The following IGDCC4 variants were observed in gnomAD, a reference collection of about 807,000 sequenced individuals.
IGDCC4 encodes the protein immunoglobulin superfamily DCC subclass member 4, also known as likely ortholog of mouse neighbor of Punc E11.
A neutral mutation model predicts 116.6 loss-of-function variants in IGDCC4; 72 were observed. The observed-to-expected ratio is 0.62, with a 90% confidence interval of 0.51 to 0.75. The LOEUF (loss-of-function observed/expected upper bound fraction) is 0.75. IGDCC4 is among the 30% of genes least tolerant of loss of function. IGDCC4 has a pLI of 0.00. For synonymous variants in IGDCC4, 709 were observed against 719.9 expected, an observed-to-expected ratio of 0.98 and a Z score of 0.24; for missense variants, 1,501 against 1,662.4, an observed-to-expected ratio of 0.90 and a Z score of 1.69.
chr15:65,384,999 A>T lies in IGDCC4; in HGVS notation c.3297T>A (p.Thr1099=). The change falls in exon 19 of 20, where the codon ACT becomes ACA. Residue 1099 remains threonine (T), a synonymous_variant. Coordinates refer to ENST00000352385, the MANE Select transcript of IGDCC4 (RefSeq NM_020962.3). The surrounding 1 kb of genome is among the most constrained non-coding windows in gnomAD (Gnocchi z 4.9). ...GAGCCTGCAGCAACAGCGTCTGCCC[A>T]GTTCCAGCAGGGGGCAGCAGGGCCC... ...LTRALLPPAG[T]GQTLLLQALV... 6.2e-7 allele frequency: 1 copy of T among 1,610,716 alleles called. No homozygotes were observed. Among genetic ancestry groups the T allele is most frequent in the Non-Finnish European group, 8.5e-7 (1 of 1,178,874 alleles).
chr15:65,413,401 T>C (rs1014969985), intron 1 of IGDCC4, among the ~76,000 whole-genome samples: 13 of 152,064 alleles, frequency 8.5e-5, no homozygotes, highest in African/African-American at 3.1e-4. Context: ...CCAGGGTTCT[T>C]TTTTCTCCCA....
rs774399098 is a variant in IGDCC4 at position 65,385,913 on chromosome 15, G to A, written c.3098C>T (p.Pro1033Leu). 2.1e-5 allele frequency: 34 copies of A among 1,612,696 alleles called. No individual in the cohort carries two copies. The highest frequency in any genetic ancestry group is 2.6e-5 in the Non-Finnish European group (31 of 1,179,984). Residue 1033 changes from proline to leucine, a missense_variant, in exon 18 of 20, where the codon CCC becomes CTC. Physicochemically the swap from Pro to Leu is moderately conservative, Grantham distance 98. This residue lies in a region of IGDCC4 where 368 missense variants were observed against 355.6 expected (regional missense o/e 1.03). Coordinates refer to ENST00000352385, the MANE Select transcript of IGDCC4 (RefSeq NM_020962.3). Reference protein sequence around the residue: ...HPHPQDWSPPPSDVEDRAEVH... With the variant: ...HPHPQDWSPPLSDVEDRAEVH... ...TTCAGCCCTGTCCTCCACGTCTGAG[G>A]GTGGCGGGGACCAGTCCTGGGGATG...
rs1469528680 is a variant in IGDCC4 at position 65,411,381 on chromosome 15, G to A, written c.71-11C>T. The A allele has an allele frequency of 3.9e-6, 6 of 1,544,324 alleles. No homozygotes were observed. Among genetic ancestry groups the A allele is most frequent in the Non-Finnish European group, 4.4e-6 (5 of 1,142,382 alleles). ...GCAACAGCAGCTCCCCTGCATAGAG[G>A]AGGAGCACGGGGCCATCAGTGTATG... On this transcript the variant is annotated splice_polypyrimidine_tract_variant and intron_variant, in intron 1 of 19. Coordinates refer to ENST00000352385, the MANE Select transcript of IGDCC4 (RefSeq NM_020962.3).
intron 1 of IGDCC4, among the ~76,000 whole-genome samples, chr15:65,411,978 A>C (rs2063098610): frequency 6.6e-6 from 1 of 152,214 alleles, no homozygotes; most frequent in Non-Finnish European, 1.5e-5. Context: ...TAAAGGGTGA[A>C]TTTTGTAGTA....
At chr15:65,419,710 G>A (rs1310374000) in intron 1 of IGDCC4, among the ~76,000 whole-genome samples, 1 of 152,068 alleles carries the variant, frequency 6.6e-6, no homozygotes, top group African/African-American at 2.4e-5. Flanking sequence ...GTTCTTAGAG[G>A]CCTCCCATTA....
intron 4 of IGDCC4, among the ~76,000 whole-genome samples, chr15:65,401,593 G>T (rs1312215163): frequency 4.6e-5 from 7 of 151,844 alleles, no homozygotes; most frequent in African/African-American, 1.7e-4. Flanking sequence ...TGGGGACGGG[G>T]TGGGAGTGCA....
intron 1 of IGDCC4, among the ~76,000 whole-genome samples, chr15:65,414,394 C>T (rs1933428855): frequency 6.6e-6 from 1 of 152,216 alleles, no homozygotes; most frequent in Non-Finnish European, 1.5e-5. Flanking sequence ...GTTGGGGAAA[C>T]CAATCTGGCA....
intron 13 of IGDCC4, 64 bp downstream of exon 13, chr15:65,390,091 C>T (rs942705050): frequency 7.4e-7 from 1 of 1,360,330 alleles, no homozygotes; most frequent in Non-Finnish European, 1.0e-6. Context: ...CTGCTGCCTT[C>T]CCACCACCAC....
intron 1 of IGDCC4, 78 bp downstream of exon 1, chr15:65,422,715 C>G (rs937304865): frequency 8.6e-7 from 1 of 1,156,182 alleles, no homozygotes; most frequent in Non-Finnish European, 1.1e-6. Context: ...GAGCCAGCCC[C>G]GCAGCCCGAT....
At chr15:65,390,470 C>T (rs917326277) in intron 12 of IGDCC4, 132 bp from the exon 13 acceptor site, 3 of 652,624 alleles carry the variant, frequency 4.6e-6, no homozygotes, top group Non-Finnish European at 7.0e-6. Flanking sequence ...TGGCATCATT[C>T]CTACTTCACA....
intron 1 of IGDCC4, among the ~76,000 whole-genome samples, chr15:65,413,600 T>G (rs1209924232): frequency 6.6e-6 from 1 of 152,244 alleles, no homozygotes; most frequent in African/African-American, 2.4e-5. Context: ...TGGTTCTCCC[T>G]GTTGTGTCTT....
intron 5 of IGDCC4, among the ~76,000 whole-genome samples, chr15:65,397,987 A>G (rs2062943303): frequency 6.6e-6 from 1 of 152,246 alleles, no homozygotes; most frequent in Non-Finnish European, 1.5e-5. Flanking sequence ...TAGTCATTAC[A>G]ATTTTTTGAA....
chr15:65,384,918 T>C lies in IGDCC4; in HGVS notation c.3342+36A>G. Reference sequence around the variant, plus strand: ...CCTCTTCACAAGCACAGAGACCCTTTCCTCCTTTCCTGCCCCTTCCTTCCA... The same window carrying C: ...CCTCTTCACAAGCACAGAGACCCTTCCCTCCTTTCCTGCCCCTTCCTTCCA... On this transcript the variant is annotated intron_variant, in intron 19 of 19. Coordinates refer to ENST00000352385, the MANE Select transcript of IGDCC4 (RefSeq NM_020962.3). This position sits in a 1 kb window ranked among gnomAD's most constrained non-coding sequence, Gnocchi z 4.9. 1 of 1,575,442 alleles carries C rather than the reference T, an allele frequency of 6.3e-7. No individual in the cohort carries two copies.
In IGDCC4 at chr15:65,396,003, G is replaced by A. The variant is rs1287966276; in HGVS notation, c.1158C>T (p.Gly386=). 5.8e-6 allele frequency: 9 copies of A among 1,545,724 alleles called. No homozygotes were observed. The highest frequency in any genetic ancestry group is 2.8e-5 in the African/African-American group (2 of 71,094). Residue 386 remains glycine (G), a synonymous_variant, in exon 7 of 20, where the codon GGC becomes GGT. Coordinates refer to ENST00000352385, the MANE Select transcript of IGDCC4 (RefSeq NM_020962.3). ...RPNGRVKVQG[G]GGSLVITQIG... is the part of the protein sequence containing the mutation. ...TCTGTGTGATGACCAGGCTGCCACCGCCGCCCTGGACCTTGACGCGCCCGT... is the reference window on the plus strand; with the variant it reads ...TCTGTGTGATGACCAGGCTGCCACCACCGCCCTGGACCTTGACGCGCCCGT...
chr15:65,420,121 A>G (rs2063176954), intron 1 of IGDCC4, among the ~76,000 whole-genome samples: 1 of 151,924 alleles, frequency 6.6e-6, no homozygotes, highest in Non-Finnish European at 1.5e-5. Context: ...CAACTTTTGT[A>G]TTTTTAGTAG....
chr15:65,385,571 C>A, intron 18 of IGDCC4: 1 of 591,870 alleles, frequency 1.7e-6, no homozygotes, highest in Non-Finnish European at 3.0e-6. Flanking sequence ...GAGGAGGGAG[C>A]TGGGTGTTCT....
rs1448823310 is a variant in IGDCC4, at chr15:65,385,882, G to A, written c.3129C>T (p.His1043=). The change falls in exon 18 of 20, where the codon CAC becomes CAT. Residue 1043 remains histidine (H), a synonymous_variant. Transcript: ENST00000352385. ...PSDVEDRAEV[H]SLMGGGVSEG... is the part of the protein sequence containing the mutation. Reference sequence around the variant, plus strand: ...CAGAAACACCGCCACCCATAAGGCTGTGCACTTCAGCCCTGTCCTCCACGT... The same window carrying A: ...CAGAAACACCGCCACCCATAAGGCTATGCACTTCAGCCCTGTCCTCCACGT... 4 of 1,612,916 alleles carry A rather than the reference G, an allele frequency of 2.5e-6. No homozygotes were observed. Among genetic ancestry groups the A allele is most frequent in the Non-Finnish European group, 3.4e-6 (4 of 1,180,048 alleles).
rs745516942 is a variant in IGDCC4 at position 65,393,422 on chromosome 15, G to C, written c.1824C>G (p.Gly608=). ...GCATCCACTGGGAGGGGGCCCCGAA[G>C]CCGGCTGCTGTACCAGCCGAAATCC... ...RVRISAGTAA[G]FGAPSQWMHH... is the part of the protein sequence containing the mutation. Residue 608 remains glycine (G), a synonymous_variant, in exon 10 of 20, where the codon GGC becomes GGG. Transcript: ENST00000352385. The surrounding 1 kb of genome is among the most constrained non-coding windows in gnomAD (Gnocchi z 4.6). 1 of 1,613,664 alleles carries C rather than the reference G, an allele frequency of 6.2e-7. No individual in the cohort carries two copies. Among genetic ancestry groups the C allele is most frequent in the Admixed American group, 1.7e-5 (1 of 59,946 alleles).
Position 65,386,594 on chromosome 15 carries a change from G to A in IGDCC4, c.2908C>T (p.Leu970Phe), listed in dbSNP as rs2091462422. 4 of 1,612,018 alleles carry A rather than the reference G, an allele frequency of 2.5e-6. No individual in the cohort carries two copies. Among genetic ancestry groups the A allele is most frequent in the Middle Eastern group, 1.7e-4 (1 of 6,058 alleles). Residue 970 changes from leucine (L) to phenylalanine (F), a missense_variant, in exon 17 of 20, where the codon CTC (leucine) becomes TTC (phenylalanine). This residue lies in a region of IGDCC4 where 235 missense variants were observed against 328.0 expected (regional missense o/e 0.72). Transcript: ENST00000352385. ...AGGCCAGCACACATGCAGGCCAGGAGGCAGAGGAGGCCCAGGCAGACACCC... is the reference window on the plus strand; with the variant it reads ...AGGCCAGCACACATGCAGGCCAGGAAGCAGAGGAGGCCCAGGCAGACACCC... Reference protein sequence around the residue: ...IVGVCLGLLCLLACMCAGLRR... With the variant: ...IVGVCLGLLCFLACMCAGLRR...
Sources: gnomAD v4.1 joint callset for allele counts (sites outside exome capture counted in the v4.1 genomes callset) on GRCh38, gnomAD v4.1.1 for gene constraint, gnomAD v4.1.1 regional missense constraint, Gnocchi (gnomAD v3.1) non-coding constraint, MANE v1.5 for transcripts, NCBI Gene and HGNC (gene_info 2026-07-23, HGNC 2026-07-21) for gene names.